RAB27B: variants seen among roughly 807,000 people sequenced by gnomAD.
RAB27B encodes the protein ras-related protein Rab-27B.
Under a neutral mutation model 24.6 loss-of-function variants are expected in RAB27B, and 15 were observed. The ratio of observed to expected loss-of-function variants is 0.61; its 90% CI spans 0.41 to 0.94. RAB27B has a LOEUF of 0.94. Among genes scored for constraint, RAB27B ranks in the 40% least tolerant of loss-of-function variants. The probability of loss-of-function intolerance (pLI) is 0.00; values close to 1 mark genes in which losing one functional copy is unlikely to be tolerated. For missense variants in RAB27B, 261 were observed against 266.8 expected (o/e 0.98, Z 0.15); for synonymous variants, 105 against 92.5 (o/e 1.14, Z -0.78).
intron 1 of RAB27B, among the ~76,000 whole-genome samples, chr18:54,862,639 C>G (rs1334329352): frequency 1.3e-5 from 2 of 152,206 alleles, no homozygotes; most frequent in Non-Finnish European, 2.9e-5. Flanking sequence ...TGAAGACACT[C>G]TGTTTCAGCT....
chr18:54,804,948 T>TTCTTTCTTTCTTTC (rs1568072796), intron 2 of RAB27B, among the ~76,000 whole-genome samples: 1 of 119,868 alleles, frequency 8.3e-6, no homozygotes, highest in African/African-American at 2.8e-5. Flanking sequence ...CTTTCTTTCT[T>TTCTTTCTTTCTTTC]TCTTTCTCTT....
intron 2 of RAB27B, among the ~76,000 whole-genome samples, chr18:54,756,115 A>G (rs1283452668): frequency 2.0e-5 from 3 of 152,210 alleles, no homozygotes; most frequent in Admixed American, 2.0e-4. Flanking sequence ...AGTATTATCG[A>G]CCTACTGAAA....
chr18:54,799,099 G>C (rs985033989), intron 2 of RAB27B, among the ~76,000 whole-genome samples: 1 of 152,082 alleles, frequency 6.6e-6, no homozygotes, highest in Admixed American at 6.5e-5. Context: ...TGCTTAGAAC[G>C]AGTTATAAAA....
intron 2 of RAB27B, among the ~76,000 whole-genome samples, chr18:54,735,372 A>G (rs2144999457): frequency 6.6e-6 from 1 of 152,296 alleles, no homozygotes; most frequent in South Asian, 2.1e-4. Context: ...GTGCTCAGTA[A>G]CTACACTTTC....
At chr18:54,830,679 A>G (rs1480150551) in intron 1 of RAB27B, among the ~76,000 whole-genome samples, 1 of 152,182 alleles carries the variant, frequency 6.6e-6, no homozygotes, top group Non-Finnish European at 1.5e-5. Flanking sequence ...GCAAGCAGCA[A>G]CATCACTATG....
rs376743099 is a variant in RAB27B at position 54,889,455 on chromosome 18, T to A, written c.*42T>A. ...GAACATCAAGAACCCCACCAAAATATTACTTTTAAAAACAATGACAAACCA... is the reference window on the plus strand; with the variant it reads ...GAACATCAAGAACCCCACCAAAATAATACTTTTAAAAACAATGACAAACCA... On this transcript the variant is annotated 3_prime_UTR_variant, in exon 6 of 6. Coordinates refer to ENST00000262094, the MANE Select transcript of RAB27B (RefSeq NM_004163.4). 1.3e-6 allele frequency: 2 copies of A among 1,530,062 alleles called. No individual in the cohort carries two copies. Among genetic ancestry groups the A allele is most frequent in the Non-Finnish European group, 1.8e-6 (2 of 1,133,926 alleles). The allele number at this position is 1,530,062 out of a possible 1,614,324, so 94.8% of individuals were successfully genotyped here.
intron 3 of RAB27B, among the ~76,000 whole-genome samples, chr18:54,882,228 A>C (rs1212532017): frequency 6.6e-6 from 1 of 152,168 alleles, no homozygotes; most frequent in African/African-American, 2.4e-5. Context: ...TTTGGTATGA[A>C]AAGTATCATT....
rs959369687 is a variant in RAB27B at position 54,874,600 on chromosome 18, T to C, written c.-19-2967T>C. Among the ~76,000 whole-genome samples, 8 of 151,892 alleles carry C rather than the reference T, an allele frequency of 5.3e-5. No individual in the cohort carries two copies. The East Asian group carries it at 9.7e-4, about 18-fold the overall frequency. On this transcript the variant is annotated intron_variant, in intron 1 of 5. Transcript: ENST00000262094. Reference sequence around the variant, plus strand: ...AAAAAGTTAGCTTTAAGCAAAATTTTAAAGTATGTAGATGTGTCTTATTGA... The same window carrying C: ...AAAAAGTTAGCTTTAAGCAAAATTTCAAAGTATGTAGATGTGTCTTATTGA...
At chr18:54,828,335 G>A (rs1286769921), upstream of RAB27B, 1 of 152,170 alleles carries the variant, frequency 6.6e-6, no homozygotes, top group East Asian at 1.9e-4. Context: ...TCTCACTGCA[G>A]CAGTTGAGTC....
At chr18:54,752,871 G>A (rs1907879205) in intron 2 of RAB27B, among the ~76,000 whole-genome samples, 1 of 152,134 alleles carries the variant, frequency 6.6e-6, no homozygotes, top group South Asian at 2.1e-4. Context: ...CCACTTGGCT[G>A]TCTACTTTTT....
At chr18:54,881,485 G>A (rs754153227) in intron 3 of RAB27B, among the ~76,000 whole-genome samples, 1 of 152,054 alleles carries the variant, frequency 6.6e-6, no homozygotes, top group Non-Finnish European at 1.5e-5. Flanking sequence ...GATTCCAGTC[G>A]GCCATATCGG....
chr18:54,880,876 G>A (rs1412519454), intron 3 of RAB27B: 1 of 152,090 alleles, frequency 6.6e-6, no homozygotes, highest in Non-Finnish European at 1.5e-5. Flanking sequence ...CATCACTTGA[G>A]AATTTTGCAT....
intron 1 of RAB27B, among the ~76,000 whole-genome samples, chr18:54,859,785 T>G (rs1598968052): frequency 6.6e-6 from 1 of 152,216 alleles, no homozygotes; most frequent in Admixed American, 6.5e-5. Flanking sequence ...ACGTGGTCAA[T>G]CGATTAGGTT....
At chr18:54,836,300 T>G (rs1367262683) in intron 1 of RAB27B, among the ~76,000 whole-genome samples, 3 of 152,022 alleles carry the variant, frequency 2.0e-5, no homozygotes, top group African/African-American at 7.3e-5. Context: ...CAAGTGTATT[T>G]TCCATGGTTC....
At chr18:54,748,763 A>C (rs975437197) in intron 2 of RAB27B, among the ~76,000 whole-genome samples, 2 of 152,228 alleles carry the variant, frequency 1.3e-5, no homozygotes, top group Admixed American at 6.5e-5. Context: ...AACTGACAAA[A>C]GACAGATTAA....
chr18:54,743,449 C>T (rs1266240792), intron 2 of RAB27B, among the ~76,000 whole-genome samples: 1 of 152,080 alleles, frequency 6.6e-6, no homozygotes, highest in Non-Finnish European at 1.5e-5. Flanking sequence ...TAATGAAGAT[C>T]AAGGGCCGAG....
intron 1 of RAB27B, among the ~76,000 whole-genome samples, chr18:54,876,639 G>A (rs1166734442): frequency 6.6e-6 from 1 of 151,990 alleles, no homozygotes; most frequent in African/African-American, 2.4e-5. Context: ...ACATGTCCTG[G>A]TATTCTCGGT....
At chr18:54,737,684 GA>G (rs1038297380) in intron 2 of RAB27B, among the ~76,000 whole-genome samples, 47 of 151,996 alleles carry the variant, frequency 3.1e-4, no homozygotes, top group African/African-American at 1.0e-3. Context: ...ATAAACAAGT[GA>G]AAAAAATGAA....
At chr18:54,837,424 G>A (rs1311732926) in intron 1 of RAB27B, among the ~76,000 whole-genome samples, 1 of 152,066 alleles carries the variant, frequency 6.6e-6, no homozygotes, top group Non-Finnish European at 1.5e-5. Context: ...CCTCAAAATT[G>A]AAAATCAGGC....
Sources: allele counts gnomAD v4.1 joint callset (sites outside exome capture counted in the v4.1 genomes callset), GRCh38; gene constraint gnomAD v4.1.1; transcripts MANE v1.5; gene names NCBI Gene and HGNC (gene_info 2026-07-23, HGNC 2026-07-21).